The following EBF1 variants were observed in gnomAD, a reference collection of about 807,000 sequenced individuals.
The protein encoded by EBF1 is EBF transcription factor 1.
Under a neutral mutation model 68.4 loss-of-function variants are expected in EBF1, and 10 were observed. The observed-to-expected ratio is 0.15, with a 90% confidence interval of 0.09 to 0.25. The LOEUF is 0.25. Ranked by LOEUF, EBF1 falls within the 10% of genes least tolerant of loss-of-function variation. The pLI is 1.00. For synonymous variants in EBF1, 298 were observed against 299.8 expected (o/e 0.99, Z 0.06); for missense variants, 509 against 794.4 (o/e 0.64, Z 4.32).
chr5:158,969,932 G>T, intron 6 of EBF1, among the ~76,000 whole-genome samples: 1 of 129,626 alleles, frequency 7.7e-6, no homozygotes, highest in African/African-American at 2.8e-5. Flanking sequence ...AAAAAAAAAG[G>T]CTGCTGGAAG....
chr5:158,806,328 G>A (rs952303935), intron 8 of EBF1, among the ~76,000 whole-genome samples: 6 of 152,058 alleles, frequency 3.9e-5, no homozygotes, highest in South Asian at 2.1e-4. Context: ...CTACTTGTGA[G>A]CTGGTTTATA....
intron 4 of EBF1, among the ~76,000 whole-genome samples, chr5:159,092,902 A>T (rs1781913078): frequency 6.6e-6 from 1 of 152,222 alleles, no homozygotes; most frequent in South Asian, 2.1e-4. Flanking sequence ...ACAGGAAAAA[A>T]AAATGTAATC....
intron 6 of EBF1, among the ~76,000 whole-genome samples, chr5:159,061,032 T>A (rs973083741): frequency 6.6e-6 from 1 of 151,986 alleles, no homozygotes; most frequent in African/African-American, 2.4e-5. Flanking sequence ...GTAATCACTG[T>A]AGGAAGAAGT....
At chr5:158,993,967 TGTCTCC>T (rs1760893774) in intron 6 of EBF1, among the ~76,000 whole-genome samples, 1 of 152,254 alleles carries the variant, frequency 6.6e-6, no homozygotes, top group South Asian at 2.1e-4. Flanking sequence ...TGCCTATGGT[TGTCTCC>T]GTCACTTTAA....
intron 10 of EBF1, among the ~76,000 whole-genome samples, chr5:158,767,016 C>T (rs1408276606): frequency 6.6e-6 from 1 of 152,154 alleles, no homozygotes; most frequent in African/African-American, 2.4e-5. Flanking sequence ...TCAGTTCCTA[C>T]TTTTATTGTT....
chr5:158,940,405 G>T (rs1167298936), intron 6 of EBF1, among the ~76,000 whole-genome samples: 1 of 152,130 alleles, frequency 6.6e-6, no homozygotes, highest in African/African-American at 2.4e-5. Context: ...GGTATCCTAG[G>T]CCACTTAAAT....
At chr5:158,945,432 T>G (rs1814440860) in intron 6 of EBF1, among the ~76,000 whole-genome samples, 1 of 152,194 alleles carries the variant, frequency 6.6e-6, no homozygotes, top group Non-Finnish European at 1.5e-5. Context: ...TTGGTCTATA[T>G]ATCTGTTTTG....
chr5:158,749,136 C>T (rs369043912), intron 10 of EBF1, among the ~76,000 whole-genome samples: 9 of 152,032 alleles, frequency 5.9e-5, no homozygotes, highest in African/African-American at 1.7e-4. Flanking sequence ...TACCTCTTCC[C>T]GAGTATGTGG....
chr5:159,042,304 A>G lies in EBF1; in HGVS notation c.554+31092T>C, dbSNP rs148118669. ...CCTTGACGGTCCTTTCATCCACTCA[A>G]TTCAGAGGTGAGGAAACTGAAGCTC... On this transcript the variant is annotated intron_variant, in intron 6 of 15. Transcript: ENST00000313708. Among the ~76,000 whole-genome samples, 60 of 152,296 alleles carry G rather than the reference A, an allele frequency of 3.9e-4. No individual in the cohort carries two copies. In the South Asian group the frequency reaches 5.8e-3, roughly 15 times the overall value.
At chr5:158,890,861 T>C (rs1157078493) in intron 6 of EBF1, among the ~76,000 whole-genome samples, 2 of 152,226 alleles carry the variant, frequency 1.3e-5, no homozygotes, top group Non-Finnish European at 2.9e-5. Context: ...TACCTCCTTT[T>C]AGCCAAGTCC....
chr5:158,728,100 G>A (rs759483668), intron 11 of EBF1, among the ~76,000 whole-genome samples: 3 of 152,166 alleles, frequency 2.0e-5, no homozygotes, highest in Non-Finnish European at 4.4e-5. Flanking sequence ...GACAGCAGGA[G>A]TATAAATCTC....
intron 9 of EBF1, among the ~76,000 whole-genome samples, chr5:158,778,094 G>A (rs936656284): frequency 1.3e-5 from 2 of 152,208 alleles, no homozygotes; most frequent in Admixed American, 1.3e-4. Context: ...ATAGCTTATG[G>A]ATCTAGCAGA....
Position 158,879,880 on chromosome 5 carries a change from C to T in EBF1, c.555-39770G>A, listed in dbSNP as rs1033929798. Among the ~76,000 whole-genome samples, 3 of 152,186 alleles carry T rather than the reference C, an allele frequency of 2.0e-5. No homozygotes were observed. The East Asian group carries it at 5.8e-4, about 29-fold the overall frequency. On this transcript the variant is annotated intron_variant, in intron 6 of 15. Coordinates refer to ENST00000313708, the MANE Select transcript of EBF1 (RefSeq NM_024007.5). ...TGAGAGCAGAGATTGGGCCACACGC[C>T]TTTCTGTGTCTGTCTCTCTCTCTCC... is the stretch of plus-strand genomic sequence containing the variant.
At chr5:158,975,291 T>C (rs1756503962) in intron 6 of EBF1, among the ~76,000 whole-genome samples, 1 of 152,140 alleles carries the variant, frequency 6.6e-6, no homozygotes, top group Non-Finnish European at 1.5e-5. Context: ...AATATTTGAA[T>C]AAGACCCCTG....
At chr5:158,869,822 G>C (rs1796569487) in intron 6 of EBF1, among the ~76,000 whole-genome samples, 1 of 152,132 alleles carries the variant, frequency 6.6e-6, no homozygotes, top group South Asian at 2.1e-4. Context: ...TCTATTCTCT[G>C]TGCTCTAGGG....
At position 158,840,006 on chromosome 5, in the gene EBF1, C is replaced by A. The variant is rs201748185; in HGVS notation, c.636+23G>T. The A allele has an allele frequency of 6.2e-6, 10 of 1,606,474 alleles. No homozygotes were observed. In the East Asian group the frequency reaches 2.2e-4, roughly 36 times the overall value. On this transcript the variant is annotated intron_variant, in intron 7 of 15. Coordinates refer to ENST00000313708, the MANE Select transcript of EBF1 (RefSeq NM_024007.5). ...TGATATTCATGCCATTATTGAGATTCAAGAAAGATAAGTCAGACCCACCTG... is the reference window on the plus strand; with the variant it reads ...TGATATTCATGCCATTATTGAGATTAAAGAAAGATAAGTCAGACCCACCTG...
At chr5:158,810,746 T>G (rs182583829) in intron 8 of EBF1, among the ~76,000 whole-genome samples, 53 of 152,352 alleles carry the variant, frequency 3.5e-4, no homozygotes, top group African/African-American at 1.3e-3. Context: ...TCTGCTTTCA[T>G]GCTTAGCGTT....
intron 6 of EBF1, among the ~76,000 whole-genome samples, chr5:159,037,829 C>G (rs1045537814): frequency 6.6e-6 from 1 of 152,010 alleles, no homozygotes; most frequent in Non-Finnish European, 1.5e-5. Context: ...AAGATCAGCT[C>G]CTCTCTCAAC....
intron 7 of EBF1, among the ~76,000 whole-genome samples, chr5:158,828,952 A>G (rs777169358): frequency 6.6e-6 from 1 of 152,234 alleles, no homozygotes; most frequent in Non-Finnish European, 1.5e-5. Flanking sequence ...TATATACTGT[A>G]TGATTCCAAC....
Sources: allele counts gnomAD v4.1 joint callset (sites outside exome capture counted in the v4.1 genomes callset), GRCh38; gene constraint gnomAD v4.1.1; transcripts MANE v1.5; gene names NCBI Gene and HGNC (gene_info 2026-07-23, HGNC 2026-07-21).